The following THBS4 variants were observed in gnomAD, a reference collection of about 807,000 sequenced individuals.
THBS4 encodes thrombospondin 4.
A neutral mutation model predicts 115.7 loss-of-function variants in THBS4; 90 were observed. The observed-to-expected ratio is 0.78, with a 90% CI of 0.66 to 0.93. The LOEUF is 0.93. Among genes scored for constraint, THBS4 ranks in the 40% least tolerant of loss-of-function variants. The pLI, the probability that THBS4 is intolerant of heterozygous loss-of-function variation, is 0.00. For synonymous variants in THBS4, 460 were observed against 479.3 expected (o/e 0.96, Z 0.53); for missense variants, 1,087 against 1,232.7 (o/e 0.88, Z 1.77).
At chr5:80,069,704 A>G (rs1189799325) in intron 10 of THBS4, among the ~76,000 whole-genome samples, 1 of 152,268 alleles carries the variant, frequency 6.6e-6, no homozygotes, top group Non-Finnish European at 1.5e-5. Context: ...CTCGTGGATC[A>G]GCCTTCCAGG....
chr5:80,041,903 T>C (rs765868995), intron 2 of THBS4, among the ~76,000 whole-genome samples: 1 of 152,230 alleles, frequency 6.6e-6, no homozygotes, highest in Non-Finnish European at 1.5e-5. Context: ...ATTATATTTG[T>C]GATTGTACAC....
chr5:80,081,722 T>G (rs1743516054), intron 20 of THBS4, among the ~76,000 whole-genome samples: 1 of 152,184 alleles, frequency 6.6e-6, no homozygotes, highest in African/African-American at 2.4e-5. Context: ...TGTTTACAAG[T>G]GAAAGTGAGT....
At position 80,070,314 on chromosome 5, in the gene THBS4, C is replaced by T. The variant is rs746855744; in HGVS notation, c.1356C>T (p.Val452=). 1.9e-6 allele frequency: 3 copies of T among 1,584,210 alleles called. No individual in the cohort carries two copies. Among genetic ancestry groups the T allele is most frequent in the South Asian group, 1.2e-5 (1 of 84,078 alleles). Residue 452 remains valine, a synonymous_variant, in exon 11 of 22, where the codon GTC becomes GTT. Transcript: ENST00000350881. Reference sequence around the variant, plus strand: ...GGGCTTTCCCTTTACAGTGTGGAGTCGGTTGGGCTGGAGATGGCTATATCT... The same window carrying T: ...GGGCTTTCCCTTTACAGTGTGGAGTTGGTTGGGCTGGAGATGGCTATATCT... The part of the protein sequence containing the change: ...RQGDVTCVCG[V]GWAGDGYICG...
chr5:80,057,478 T>C (rs1833469754), intron 3 of THBS4, among the ~76,000 whole-genome samples: 1 of 152,222 alleles, frequency 6.6e-6, no homozygotes. Flanking sequence ...TGATGTCCAA[T>C]ACAATATGTG....
intron 5 of THBS4, 34 bp downstream of exon 5, chr5:80,058,824 C>A: frequency 6.3e-7 from 1 of 1,596,658 alleles, no homozygotes; most frequent in Non-Finnish European, 8.6e-7. Context: ...GAAAAGCCCT[C>A]GTCTTCTTAG....
chr5:80,077,238 A>G (rs1358758797), intron 16 of THBS4, among the ~76,000 whole-genome samples, 190 bp downstream of exon 16: 2 of 152,142 alleles, frequency 1.3e-5, no homozygotes, highest in African/African-American at 4.8e-5. Flanking sequence ...CCAGTCTCCA[A>G]CTCAGTCAGG....
rs200574074 is a variant in THBS4, at chr5:80,078,924, A to G, written c.2269A>G (p.Met757Val). The G allele has an allele frequency of 8.1e-5, 131 of 1,613,932 alleles. No individual in the cohort carries two copies. The highest frequency in any genetic ancestry group is 4.7e-4 in the South Asian group (43 of 91,056). ...DPNWVVLNQG[M>V]EIVQTMNSDP... ...ACTCCCTCAACTCTCTCTGCAGGGC[A>G]TGGAGATTGTACAGACCATGAACAG... The change falls in exon 18 of 22, where the codon ATG becomes GTG. Residue 757 changes from methionine to valine, a missense_variant. This residue lies in a region of THBS4 where 979 missense variants were observed against 1,103.7 expected (regional missense o/e 0.89). Transcript: ENST00000350881.
In THBS4 at chr5:80,001,230, T is replaced by C. The variant is rs549471478; in HGVS notation, n.177+2803T>C. The stretch of plus-strand genomic sequence containing the variant: ...ACATCTAGAGGTGACTGTCAATATA[T>C]CTTTTCTTTGCACGTACTACATATT... On this transcript the variant is annotated intron_variant and non_coding_transcript_variant, in intron 2 of 3. Coordinates refer to the THBS4 transcript ENST00000510218. 2.0e-5 allele frequency among the ~76,000 whole-genome samples: 3 copies of C among 152,232 alleles called. No individual in the cohort carries two copies. In the South Asian group the frequency reaches 6.2e-4, roughly 32 times the overall value.
At chr5:80,004,193 G>C (rs925582689) in intron 2 of THBS4, among the ~76,000 whole-genome samples, 1 of 152,188 alleles carries the variant, frequency 6.6e-6, no homozygotes, top group African/African-American at 2.4e-5. Flanking sequence ...GTGTCATTCA[G>C]GGTTGATTTA....
chr5:80,034,031 CT>C (rs1832637689), upstream of THBS4, among the ~76,000 whole-genome samples: 1 of 152,168 alleles, frequency 6.6e-6, no homozygotes, highest in Non-Finnish European at 1.5e-5. Flanking sequence ...CTAGATTCCT[CT>C]CAAACCCAGG....
At chr5:80,082,871 G>A (rs1743590807) in intron 21 of THBS4, among the ~76,000 whole-genome samples, 3 of 152,258 alleles carry the variant, frequency 2.0e-5, no homozygotes, top group Admixed American at 2.0e-4. Context: ...TCTGCCTGCT[G>A]ATTTTCTGCA....
chr5:80,075,045 A>C (rs1229768762), intron 15 of THBS4, among the ~76,000 whole-genome samples: 2 of 152,230 alleles, frequency 1.3e-5, no homozygotes, highest in African/African-American at 4.8e-5. Flanking sequence ...TATAACCTAT[A>C]CCTGTCCTCC....
At chr5:80,015,048 G>T (rs751246419) in intron 2 of THBS4, among the ~76,000 whole-genome samples, 1 of 152,192 alleles carries the variant, frequency 6.6e-6, no homozygotes, top group Non-Finnish European at 1.5e-5. Context: ...ACTTGGAAAT[G>T]TCACCATTCT....
chr5:79,996,922 A>G (rs147703033), intron 1 of THBS4, among the ~76,000 whole-genome samples: 148 of 152,312 alleles, frequency 9.7e-4, no homozygotes, highest in African/African-American at 3.4e-3. Context: ...GGTAAAACCT[A>G]ATATACCAAT....
chr5:80,080,490 G>C (rs1391986688), intron 20 of THBS4, among the ~76,000 whole-genome samples: 1 of 117,142 alleles, frequency 8.5e-6, no homozygotes, highest in Non-Finnish European at 1.7e-5. Flanking sequence ...TCACTTACTA[G>C]TGCACATTTC....
In THBS4 at chr5:80,053,799, C is replaced by T. The variant is rs377734074; in HGVS notation, c.293-1986C>T. ...CAGGCTGGTCTTGAACTCCTGACCTCGTGATCTGCCCACCTCGGCCTCCCA... is the reference window on the plus strand; with the variant it reads ...CAGGCTGGTCTTGAACTCCTGACCTTGTGATCTGCCCACCTCGGCCTCCCA... On this transcript the variant is annotated intron_variant, in intron 2 of 21. Coordinates refer to ENST00000350881, the MANE Select transcript of THBS4 (RefSeq NM_003248.6). Among the ~76,000 whole-genome samples the T allele has an allele frequency of 1.2e-4, 19 of 152,214 alleles. No homozygotes were observed. In the East Asian group the frequency reaches 3.1e-3, roughly 25 times the overall value.
In THBS4 at chr5:80,008,192, T is replaced by C. The variant is rs555150299; in HGVS notation, n.177+9765T>C. 1.1e-4 allele frequency among the ~76,000 whole-genome samples: 17 copies of C among 152,302 alleles called. No individual in the cohort carries two copies. The East Asian group carries it at 3.1e-3, about 28-fold the overall frequency. On this transcript the variant is annotated intron_variant and non_coding_transcript_variant, in intron 2 of 3. Coordinates refer to the THBS4 transcript ENST00000510218. ...ACTTTGTTTATGTACTATATTAACA[T>C]AGAAAAATAGTAAGCAGTTTCCAGC...
At chr5:79,997,889 G>C (rs114021864) in intron 1 of THBS4, among the ~76,000 whole-genome samples, 1 of 152,076 alleles carries the variant, frequency 6.6e-6, no homozygotes, top group Non-Finnish European at 1.5e-5. Flanking sequence ...ATACTTCTAC[G>C]TAATCAGTGG....
intron 2 of THBS4, among the ~76,000 whole-genome samples, chr5:80,011,764 A>C (rs1832130918): frequency 6.6e-6 from 1 of 152,142 alleles, no homozygotes; most frequent in South Asian, 2.1e-4. Flanking sequence ...CTGAAACCCC[A>C]AGTCACAAGG....
Sources: allele counts gnomAD v4.1 joint callset (sites outside exome capture counted in the v4.1 genomes callset), GRCh38; gene constraint gnomAD v4.1.1; regional missense constraint gnomAD v4.1.1; transcripts MANE v1.5; gene names NCBI Gene and HGNC (gene_info 2026-07-23, HGNC 2026-07-21).